The following SLC35E3 variants were observed in gnomAD, a reference collection of about 807,000 sequenced individuals.
The protein encoded by SLC35E3 is solute carrier family 35 member E3.
A neutral mutation model predicts 30.8 loss-of-function variants in SLC35E3; 28 were observed. The observed-to-expected ratio is 0.91, with a 90% confidence interval of 0.67 to 1.25. The LOEUF is 1.25. Among genes scored for constraint, SLC35E3 ranks in the 50% most tolerant of loss-of-function variants. The pLI, the probability that SLC35E3 is intolerant of heterozygous loss-of-function variation, is 0.00. For synonymous variants in SLC35E3, 146 were observed against 149.2 expected (o/e 0.98, Z 0.16); for missense variants, 365 against 375.4 (o/e 0.97, Z 0.23).
chr12:68,751,038 G>A (rs569390804), intron 2 of SLC35E3, among the ~76,000 whole-genome samples: 2 of 152,194 alleles, frequency 1.3e-5, no homozygotes, highest in East Asian at 3.9e-4. Context: ...AATGGGATTT[G>A]AGGTCTTGAG....
chr12:68,749,696 G>C (rs1878720799), intron 2 of SLC35E3, among the ~76,000 whole-genome samples: 1 of 152,126 alleles, frequency 6.6e-6, no homozygotes, highest in Non-Finnish European at 1.5e-5. Context: ...TAAATTGAAG[G>C]GCACACAGAA....
Position 68,765,633 on chromosome 12 carries a change from T to TA in SLC35E3, c.*744dup, listed in dbSNP as rs1824164176. The TA allele has an allele frequency of 7.9e-6, 1 of 126,002 alleles. No homozygotes were observed. The highest frequency in any genetic ancestry group is 1.8e-5 in the Non-Finnish European group (1 of 55,862). 7.8% of individuals were successfully genotyped at this position (126,002 alleles called of 1,614,324 possible). On this transcript the variant is annotated 3_prime_UTR_variant, in exon 5 of 5. Transcript: ENST00000398004. ...ATGTGTGTGTGTGTATATATATATATATGTGTGTGTGTGTGTGTGTATACA... is the reference window on the plus strand; with the variant it reads ...ATGTGTGTGTGTGTATATATATATATAATGTGTGTGTGTGTGTGTGTATACA...
At chr12:68,749,816 T>C (rs912714619) in intron 2 of SLC35E3, among the ~76,000 whole-genome samples, 32 of 152,156 alleles carry the variant, frequency 2.1e-4, no homozygotes, top group Non-Finnish European at 4.4e-5. Flanking sequence ...GTAGGTGCAT[T>C]GTGAGAAGAC....
chr12:68,749,069 G>A (rs1039391145), intron 2 of SLC35E3, among the ~76,000 whole-genome samples: 7 of 152,068 alleles, frequency 4.6e-5, no homozygotes, highest in African/African-American at 1.7e-4. Flanking sequence ...CCTAGTATAG[G>A]CAATTTATTA....
Position 68,747,983 on chromosome 12 carries a change from T to C in SLC35E3, c.456T>C (p.Asn152=). The change falls in exon 2 of 5, where the codon AAT becomes AAC. Residue 152 remains asparagine, a synonymous_variant. Coordinates refer to ENST00000398004, the MANE Select transcript of SLC35E3 (RefSeq NM_018656.5). ...ATTCTTATTACGATGTGAAGTTTAATTTCCTTGGAATGGTGTTTGCTGCTC... is the reference window on the plus strand; with the variant it reads ...ATTCTTATTACGATGTGAAGTTTAACTTCCTTGGAATGGTGTTTGCTGCTC... ...ILNSYYDVKF[N]FLGMVFAALG... 1 of 1,612,076 alleles carries C rather than the reference T, an allele frequency of 6.2e-7. No homozygotes were observed. Among genetic ancestry groups the C allele is most frequent in the Non-Finnish European group, 8.5e-7 (1 of 1,178,382 alleles).
intron 3 of SLC35E3, among the ~76,000 whole-genome samples, chr12:68,752,762 T>C (rs922903325): frequency 3.9e-5 from 6 of 152,012 alleles, no homozygotes; most frequent in Non-Finnish European, 7.4e-5. Flanking sequence ...TCCTGGGAAT[T>C]TGGGAGGCTG....
In SLC35E3 at chr12:68,777,008, A is replaced by G. The variant is rs1879764652; in HGVS notation, c.*12118A>G. 1 of 151,868 alleles carries G rather than the reference A, an allele frequency of 6.6e-6. No homozygotes were observed. The highest frequency in any genetic ancestry group is 1.5e-5 in the Non-Finnish European group (1 of 68,032). The allele number at this position is 151,868 out of a possible 1,614,324, so 9.4% of individuals were successfully genotyped here. On this transcript the variant is annotated 3_prime_UTR_variant, in exon 5 of 5. Coordinates refer to ENST00000398004, the MANE Select transcript of SLC35E3 (RefSeq NM_018656.5). The stretch of plus-strand genomic sequence containing the variant: ...ACCCCTCATTCCTAGTAGTACCCCC[A>G]GTTCTGCTTCAATTTGATTCAGCAG...
chr12:68,758,891 G>A (rs756079623), intron 3 of SLC35E3, among the ~76,000 whole-genome samples: 5 of 151,582 alleles, frequency 3.3e-5, no homozygotes, highest in Non-Finnish European at 5.9e-5. Context: ...ACAGGCGCCC[G>A]CCACTGCGCC....
rs1592530656 is a variant in SLC35E3 at position 68,746,207 on chromosome 12, T to G, written c.-171T>G. 3.7e-6 allele frequency: 2 copies of G among 536,680 alleles called. No individual in the cohort carries two copies. Among genetic ancestry groups the G allele is most frequent in the Non-Finnish European group, 6.4e-6 (2 of 314,846 alleles). The allele number at this position is 536,680 out of a possible 1,614,324, so 33.2% of individuals were successfully genotyped here. A position where few individuals can be genotyped will look rare whatever the true frequency, so the allele number is the denominator to read the frequency against. Reference sequence around the variant, plus strand: ...GCTGGCTTACAGGGCGGCGGCGGGGTGTGTGTCCTCTGTTAAGAGTGCTAC... The same window carrying G: ...GCTGGCTTACAGGGCGGCGGCGGGGGGTGTGTCCTCTGTTAAGAGTGCTAC... On this transcript the variant is annotated 5_prime_UTR_variant, in exon 1 of 5. Transcript: ENST00000398004.
chr12:68,776,982 C>T lies in SLC35E3; in HGVS notation c.*12092C>T, dbSNP rs1409462627. ...CCCTCGCCCCAGCCCCATCCCTAGT[C>T]ACCCCTCATTCCTAGTAGTACCCCC... On this transcript the variant is annotated 3_prime_UTR_variant, in exon 5 of 5. Coordinates refer to ENST00000398004, the MANE Select transcript of SLC35E3 (RefSeq NM_018656.5). 1 of 152,186 alleles carries T rather than the reference C, an allele frequency of 6.6e-6. No homozygotes were observed. The highest frequency in any genetic ancestry group is 1.5e-5 in the Non-Finnish European group (1 of 68,078). 9.4% of individuals were successfully genotyped at this position (152,186 alleles called of 1,614,324 possible).
At chr12:68,762,098 T>A (rs1319741998) in intron 4 of SLC35E3, among the ~76,000 whole-genome samples, 1 of 152,052 alleles carries the variant, frequency 6.6e-6, no homozygotes, top group Admixed American at 6.6e-5. Flanking sequence ...AGTGCTGGGA[T>A]TACAGGTGTG....
chr12:68,775,878 G>A lies in SLC35E3; in HGVS notation c.*10988G>A, dbSNP rs1879725574. 7.1e-6 allele frequency: 1 copy of A among 140,568 alleles called. No homozygotes were observed. Among genetic ancestry groups the A allele is most frequent in the Admixed American group, 7.8e-5 (1 of 12,824 alleles). The allele number at this position is 140,568 out of a possible 1,614,324, so 8.7% of individuals were successfully genotyped here. On this transcript the variant is annotated 3_prime_UTR_variant, in exon 5 of 5. Coordinates refer to ENST00000398004, the MANE Select transcript of SLC35E3 (RefSeq NM_018656.5). ...CAGGAGAATGGCTTGAACCCGAGAGGCAGAGGTTGCAGTAAGCTGGAATCA... is the reference window on the plus strand; with the variant it reads ...CAGGAGAATGGCTTGAACCCGAGAGACAGAGGTTGCAGTAAGCTGGAATCA...
At chr12:68,764,500 G>C (rs1879318652) in intron 4 of SLC35E3, among the ~76,000 whole-genome samples, 1 of 152,120 alleles carries the variant, frequency 6.6e-6, no homozygotes, top group Non-Finnish European at 1.5e-5. Flanking sequence ...TGATGGCCAG[G>C]CTGGTCTCAA....
Position 68,748,152 on chromosome 12 carries a change from A to G in SLC35E3, c.513+112A>G, listed in dbSNP as rs568081730. The G allele has an allele frequency of 1.3e-4, 85 of 645,988 alleles. No individual in the cohort carries two copies. The African/African-American group carries it at 1.4e-3, about 11-fold the overall frequency. 40.0% of individuals were successfully genotyped at this position (645,988 alleles called of 1,614,324 possible). ...AGAGACAATAGACTGTTGGGAAGAA[A>G]GCATAATTGCATAAGTTGTCTGACT... On this transcript the variant is annotated intron_variant, in intron 2 of 4. Coordinates refer to ENST00000398004, the MANE Select transcript of SLC35E3 (RefSeq NM_018656.5).
chr12:68,763,608 C>T (rs571409300), intron 4 of SLC35E3, among the ~76,000 whole-genome samples: 22 of 152,150 alleles, frequency 1.4e-4, no homozygotes, highest in Non-Finnish European at 2.1e-4. Context: ...AAGCAGGTCT[C>T]GAACTCCTGA....
rs1879425293 is a variant in SLC35E3, at chr12:68,766,570, T to A, written c.*1680T>A. 4.3e-6 allele frequency: 1 copy of A among 233,040 alleles called. No homozygotes were observed. Among genetic ancestry groups the A allele is most frequent in the Non-Finnish European group, 9.0e-6 (1 of 110,946 alleles). The allele number at this position is 233,040 out of a possible 1,614,324, so 14.4% of individuals were successfully genotyped here. On this transcript the variant is annotated 3_prime_UTR_variant, in exon 5 of 5. Transcript: ENST00000398004. ...GGAATTGAACATGTTTGTTAGCTGT[T>A]TGAGCATTTTATATTGGTAAATTTT...
Position 68,747,913 on chromosome 12 carries a change from C to T in SLC35E3, c.403-17C>T, listed in dbSNP as rs2032702465. The T allele has an allele frequency of 7.6e-7, 1 of 1,308,980 alleles. No individual in the cohort carries two copies. The highest frequency in any genetic ancestry group is 1.1e-6 in the Non-Finnish European group (1 of 909,266). The allele number at this position is 1,308,980 out of a possible 1,614,324, so 81.1% of individuals were successfully genotyped here. On this transcript the variant is annotated splice_polypyrimidine_tract_variant and intron_variant, in intron 1 of 4. Transcript: ENST00000398004. Reference sequence around the variant, plus strand: ...TTGAATTTAATCTGAACAACATTTACCTCTTTTTCGTTACAGATTCCTATA... The same window carrying T: ...TTGAATTTAATCTGAACAACATTTATCTCTTTTTCGTTACAGATTCCTATA...
At position 68,777,172 on chromosome 12, in the gene SLC35E3, G is replaced by A. The variant is rs1879767807; in HGVS notation, c.*12282G>A. ...TAATAACGTTCCAGGAATTTCCTAA[G>A]ACCATAGTGGGAGACAGCTGCATCA... On this transcript the variant is annotated 3_prime_UTR_variant, in exon 5 of 5. Coordinates refer to ENST00000398004, the MANE Select transcript of SLC35E3 (RefSeq NM_018656.5). The A allele has an allele frequency of 6.6e-6, 1 of 152,168 alleles. No homozygotes were observed. The highest frequency in any genetic ancestry group is 2.4e-5 in the African/African-American group (1 of 41,428). 9.4% of individuals were successfully genotyped at this position (152,168 alleles called of 1,614,324 possible). A position where few individuals can be genotyped will look rare whatever the true frequency, so the allele number is the denominator to read the frequency against.
At position 68,770,138 on chromosome 12, in the gene SLC35E3, A is replaced by G. The variant is rs1224775463; in HGVS notation, c.*5248A>G. 1.3e-5 allele frequency: 2 copies of G among 152,358 alleles called. No individual in the cohort carries two copies. The highest frequency in any genetic ancestry group is 1.9e-4 in the East Asian group (1 of 5,184). 9.4% of individuals were successfully genotyped at this position (152,358 alleles called of 1,614,324 possible). A position where few individuals can be genotyped will look rare whatever the true frequency, so the allele number is the denominator to read the frequency against. Reference sequence around the variant, plus strand: ...GCATTCTGGAAAGAGGGAATAGCACATACAAATGCCTAGTGGTTGGAGGAA... The same window carrying G: ...GCATTCTGGAAAGAGGGAATAGCACGTACAAATGCCTAGTGGTTGGAGGAA... On this transcript the variant is annotated 3_prime_UTR_variant, in exon 5 of 5. Transcript: ENST00000398004.
Sources: allele counts gnomAD v4.1 joint callset (sites outside exome capture counted in the v4.1 genomes callset), GRCh38; gene constraint gnomAD v4.1.1; transcripts MANE v1.5; gene names NCBI Gene and HGNC (gene_info 2026-07-23, HGNC 2026-07-21).